TENM2: variants seen among roughly 807,000 people sequenced by gnomAD.
The protein encoded by TENM2 is teneurin transmembrane protein 2, also known as teneurin-2.
Under a neutral mutation model 245.2 loss-of-function variants are expected in TENM2, and 52 were observed. That is an observed-to-expected ratio of 0.21 (90% CI 0.17 to 0.27). TENM2 has a LOEUF of 0.27. TENM2 is among the 10% of genes least tolerant of loss of function. The pLI, the probability that TENM2 is intolerant of heterozygous loss-of-function variation, is 1.00. For synonymous variants in TENM2, 1,363 were observed against 1,438.9 expected, an observed-to-expected ratio of 0.95 and a Z score of 1.19; for missense variants, 3,046 against 3,666.8, an observed-to-expected ratio of 0.83 and a Z score of 4.37.
At chr5:167,367,918 C>T (rs971214172) in intron 1 of TENM2, among the ~76,000 whole-genome samples, 9 of 152,066 alleles carry the variant, frequency 5.9e-5, no homozygotes, top group East Asian at 3.9e-4. Flanking sequence ...AGTACTATAA[C>T]GTTATAATAT....
chr5:168,230,528 T>C (rs1764768747), intron 25 of TENM2, among the ~76,000 whole-genome samples: 1 of 152,220 alleles, frequency 6.6e-6, no homozygotes, highest in Non-Finnish European at 1.5e-5. Context: ...AGATGTTTCG[T>C]GAGCCCATGG....
intron 2 of TENM2, among the ~76,000 whole-genome samples, chr5:167,590,294 A>G (rs997504451): frequency 6.6e-6 from 1 of 152,000 alleles, no homozygotes; most frequent in African/African-American, 2.4e-5. Flanking sequence ...ACTATTTCAG[A>G]TATCTTGAAT....
At chr5:167,725,025 G>A (rs1454412812) in intron 2 of TENM2, among the ~76,000 whole-genome samples, 1 of 152,060 alleles carries the variant, frequency 6.6e-6, no homozygotes, top group Non-Finnish European at 1.5e-5. Flanking sequence ...TTAGAAGAAG[G>A]ATTATATTTA....
chr5:167,517,945 G>A (rs901385743), intron 2 of TENM2, among the ~76,000 whole-genome samples: 1 of 152,076 alleles, frequency 6.6e-6, no homozygotes, highest in South Asian at 2.1e-4. Flanking sequence ...CCCAGCACTT[G>A]GGAGGCGGAG....
At chr5:167,871,355 C>T (rs903753240) in intron 2 of TENM2, among the ~76,000 whole-genome samples, 4 of 152,120 alleles carry the variant, frequency 2.6e-5, no homozygotes, top group Non-Finnish European at 4.4e-5. Context: ...ACACAGCATT[C>T]CACACAGCCA....
chr5:167,645,557 G>C (rs1308554412), intron 2 of TENM2, among the ~76,000 whole-genome samples: 2 of 150,246 alleles, frequency 1.3e-5, no homozygotes, highest in Non-Finnish European at 3.0e-5. Context: ...ATATAATTTA[G>C]AAAGCAGAGA....
At chr5:167,560,158 G>A (rs970205483) in intron 2 of TENM2, among the ~76,000 whole-genome samples, 14 of 152,160 alleles carry the variant, frequency 9.2e-5, no homozygotes, top group Admixed American at 9.2e-4. Flanking sequence ...TAGCAATACA[G>A]AATCCCAGGC....
intron 2 of TENM2, among the ~76,000 whole-genome samples, chr5:167,398,386 CTTT>C (rs1257598178): frequency 3.8e-5 from 1 of 26,550 alleles, no homozygotes; most frequent in East Asian, 1.1e-3. Flanking sequence ...TCCTTTCTTT[CTTT>C]CTTTCTTTCT....
In TENM2 at chr5:168,097,606, G is replaced by A. The variant is rs989046890; in HGVS notation, c.1712-420G>A. Among the ~76,000 whole-genome samples the A allele has an allele frequency of 1.4e-3, 7 of 5,152 alleles. No homozygotes were observed. In the Admixed American group the frequency reaches 0.016, roughly 12 times the overall value. The allele number at this position is 5,152 out of a possible 152,430, so 3.4% of individuals were successfully genotyped here. The stretch of plus-strand genomic sequence containing the variant: ...CGTCCAGCTAATTGTGTGTGTGCGT[G>A]TGTGTGTGTGTGTGTGTGTATTTTT... On this transcript the variant is annotated intron_variant, in intron 8 of 28. Transcript: ENST00000518659.
At chr5:167,541,234 G>A (rs953651115) in intron 2 of TENM2, among the ~76,000 whole-genome samples, 1 of 152,046 alleles carries the variant, frequency 6.6e-6, no homozygotes, top group Non-Finnish European at 1.5e-5. Context: ...CAATGATGTT[G>A]TTCTTATTTT....
chr5:167,789,093 A>C (rs1324754023), intron 2 of TENM2, among the ~76,000 whole-genome samples: 1 of 152,226 alleles, frequency 6.6e-6, no homozygotes, highest in Non-Finnish European at 1.5e-5. Context: ...TGCACAGCAT[A>C]GTACCTGGTT....
chr5:168,221,157 G>A (rs1763639132), intron 23 of TENM2, among the ~76,000 whole-genome samples: 2 of 151,970 alleles, frequency 1.3e-5, no homozygotes, highest in African/African-American at 4.8e-5. Flanking sequence ...TTGTCCTTCA[G>A]TGAGAGCTTC....
chr5:168,172,645 C>A (rs1380817464), intron 13 of TENM2, among the ~76,000 whole-genome samples: 1 of 152,222 alleles, frequency 6.6e-6, no homozygotes, highest in Non-Finnish European at 1.5e-5. Flanking sequence ...AGTGCTTGAA[C>A]AACCTCCGCC....
At chr5:167,849,290 G>A (rs10035896) in intron 2 of TENM2, among the ~76,000 whole-genome samples, 16,518 of 151,970 alleles carry the variant, frequency 0.11, 1,389 homozygotes, top group African/African-American at 0.24. Flanking sequence ...TATTACAGCT[G>A]CAAATTCCTT....
intron 12 of TENM2, among the ~76,000 whole-genome samples, chr5:168,148,775 G>A (rs925447242): frequency 3.9e-5 from 6 of 152,090 alleles, no homozygotes; most frequent in South Asian, 2.1e-4. Context: ...CTATGAGGTC[G>A]TTTGACACTT....
intron 2 of TENM2, among the ~76,000 whole-genome samples, chr5:167,620,882 A>G (rs895310704): frequency 6.6e-6 from 1 of 152,076 alleles, no homozygotes; most frequent in South Asian, 2.1e-4. Context: ...TCTCTCCTTT[A>G]AAAAGATAAT....
chr5:168,229,879 T>G (rs1007099769), intron 25 of TENM2: 6 of 152,156 alleles, frequency 3.9e-5, no homozygotes, highest in African/African-American at 1.4e-4. Flanking sequence ...AAAAATGGAA[T>G]GAGATTAGTA....
At chr5:168,098,372 G>A (rs568919921) in intron 9 of TENM2, among the ~76,000 whole-genome samples, 1 of 152,326 alleles carries the variant, frequency 6.6e-6, no homozygotes, top group Admixed American at 6.5e-5. Flanking sequence ...GAAGAAAGAT[G>A]TGCTAAAAAT....
At chr5:167,841,617 G>A (rs1051951344) in intron 2 of TENM2, among the ~76,000 whole-genome samples, 1 of 152,132 alleles carries the variant, frequency 6.6e-6, no homozygotes, top group African/African-American at 2.4e-5. Context: ...TAAGAAGAAG[G>A]ACATTCTGTT....
Sources: allele counts gnomAD v4.1 joint callset (sites outside exome capture counted in the v4.1 genomes callset), GRCh38; gene constraint gnomAD v4.1.1; transcripts MANE v1.5; gene names NCBI Gene and HGNC (gene_info 2026-07-23, HGNC 2026-07-21).